The following NKAIN2 variants were observed in gnomAD, a reference collection of about 807,000 sequenced individuals.
NKAIN2 encodes the protein sodium/potassium transporting ATPase interacting 2.
NKAIN2 carries 14 observed loss-of-function variants against 32.6 expected under a neutral mutation model. That is an observed-to-expected ratio of 0.43 (90% CI 0.28 to 0.67). The LOEUF (loss-of-function observed/expected upper bound fraction) is 0.67, where lower values mean the gene tolerates loss of function less well. NKAIN2 is among the 30% of genes least tolerant of loss of function. The probability of loss-of-function intolerance (pLI) is 0.17; values close to 1 mark genes in which losing one functional copy is unlikely to be tolerated. For synonymous variants in NKAIN2, 80 were observed against 87.2 expected, an observed-to-expected ratio of 0.92 and a Z score of 0.46; for missense variants, 198 against 258.3, an observed-to-expected ratio of 0.77 and a Z score of 1.60.
chr6:124,637,458 C>CA (rs1235907514), intron 3 of NKAIN2, among the ~76,000 whole-genome samples: 2 of 151,936 alleles, frequency 1.3e-5, no homozygotes, highest in Non-Finnish European at 2.9e-5. Flanking sequence ...TCCCTCTTTG[C>CA]AAATAACATT....
At chr6:124,021,968 ATGTGC>A (rs1701631112) in intron 1 of NKAIN2, among the ~76,000 whole-genome samples, 1 of 152,090 alleles carries the variant, frequency 6.6e-6, no homozygotes, top group South Asian at 2.1e-4. Context: ...ATATGTATAC[ATGTGC>A]TATGTTGGTG....
intron 3 of NKAIN2, among the ~76,000 whole-genome samples, chr6:124,375,176 A>G (rs1200671660): frequency 6.6e-6 from 1 of 151,776 alleles, no homozygotes; most frequent in Non-Finnish European, 1.5e-5. Flanking sequence ...CCTCCTCAAT[A>G]AGGTCTTCTT....
At chr6:123,993,453 A>T (rs893842578) in intron 1 of NKAIN2, among the ~76,000 whole-genome samples, 5 of 152,198 alleles carry the variant, frequency 3.3e-5, no homozygotes, top group Admixed American at 3.3e-4. Context: ...GTTGAAAAGG[A>T]CACTTTCTTT....
chr6:124,300,449 A>T (rs749268862), intron 2 of NKAIN2, among the ~76,000 whole-genome samples: 24 of 152,312 alleles, frequency 1.6e-4, no homozygotes, highest in African/African-American at 5.5e-4. Flanking sequence ...CTTTACTAGC[A>T]GCCTGACAAT....
chr6:124,712,186 CAG>C (rs1277324052), intron 4 of NKAIN2, among the ~76,000 whole-genome samples: 1 of 150,714 alleles, frequency 6.6e-6, no homozygotes, highest in East Asian at 2.0e-4. Context: ...CTCAGATCTC[CAG>C]CTGCGTGCTG....
At chr6:124,145,001 C>T (rs966591503) in intron 1 of NKAIN2, among the ~76,000 whole-genome samples, 1 of 152,038 alleles carries the variant, frequency 6.6e-6, no homozygotes, top group African/African-American at 2.4e-5. Flanking sequence ...GACAATATTC[C>T]GATGTCAGAG....
chr6:123,983,018 A>G (rs956098729), intron 1 of NKAIN2, among the ~76,000 whole-genome samples: 1 of 116,784 alleles, frequency 8.6e-6, no homozygotes, highest in African/African-American at 3.4e-5. Context: ...TTTACATGTT[A>G]TTCAGTGCCT....
intron 4 of NKAIN2, among the ~76,000 whole-genome samples, chr6:124,708,049 T>C (rs1372495464): frequency 1.3e-5 from 2 of 148,368 alleles, no homozygotes; most frequent in East Asian, 3.9e-4. Context: ...CAGTTTCAGC[T>C]TTCTACATAT....
At chr6:124,197,189 C>T (rs943807877) in intron 1 of NKAIN2, among the ~76,000 whole-genome samples, 1 of 151,688 alleles carries the variant, frequency 6.6e-6, no homozygotes, top group Non-Finnish European at 1.5e-5. Flanking sequence ...TAAAATACTG[C>T]ATTTATTTTT....
intron 3 of NKAIN2, among the ~76,000 whole-genome samples, chr6:124,412,598 C>T (rs903933947): frequency 4.6e-5 from 7 of 152,160 alleles, no homozygotes; most frequent in Admixed American, 3.9e-4. Flanking sequence ...AGGGGTGCCT[C>T]CCAGTTAGGC....
chr6:124,240,708 A>G (rs1289774108), intron 1 of NKAIN2, among the ~76,000 whole-genome samples: 4 of 152,202 alleles, frequency 2.6e-5, no homozygotes, highest in Non-Finnish European at 5.9e-5. Context: ...CTTCATGCTA[A>G]AAACTCTCAA....
intron 1 of NKAIN2, among the ~76,000 whole-genome samples, chr6:124,209,727 C>A (rs1791077092): frequency 6.6e-6 from 1 of 151,736 alleles, no homozygotes; most frequent in Admixed American, 6.6e-5. Context: ...GCATTTTTTT[C>A]ATATACCTGT....
At chr6:124,295,476 G>C (rs1796009503) in intron 2 of NKAIN2, among the ~76,000 whole-genome samples, 1 of 152,070 alleles carries the variant, frequency 6.6e-6, no homozygotes, top group Admixed American at 6.6e-5. Flanking sequence ...TAGAATAATG[G>C]CTTGAACCTG....
At chr6:124,451,234 T>G (rs62437468) in intron 3 of NKAIN2, among the ~76,000 whole-genome samples, 2 of 152,144 alleles carry the variant, frequency 1.3e-5, no homozygotes. Flanking sequence ...CATTGATTTT[T>G]ATTACTGGCA....
At chr6:124,751,039 G>A (rs1478084243) in intron 4 of NKAIN2, among the ~76,000 whole-genome samples, 3 of 152,028 alleles carry the variant, frequency 2.0e-5, no homozygotes, top group African/African-American at 7.2e-5. Flanking sequence ...AATACAGTAA[G>A]AAATACTGTA....
At chr6:124,730,897 G>C (rs9388369) in intron 4 of NKAIN2, among the ~76,000 whole-genome samples, 1,495 of 117,744 alleles carry the variant, frequency 0.013, 15 homozygotes, top group African/African-American at 0.023. Context: ...AAAAGTGGGC[G>C]AAGGACATGA....
intron 1 of NKAIN2, among the ~76,000 whole-genome samples, chr6:124,185,851 C>A (rs1789696849): frequency 8.8e-6 from 1 of 113,010 alleles, no homozygotes; most frequent in Admixed American, 9.0e-5. Flanking sequence ...ATACCAACAT[C>A]AAATAATTTA....
intron 1 of NKAIN2, among the ~76,000 whole-genome samples, chr6:124,116,582 ATTGTTTTTGTTT>A (rs952224598): frequency 3.3e-5 from 5 of 152,182 alleles, no homozygotes; most frequent in Admixed American, 2.6e-4. Flanking sequence ...TGAAAAAAAC[ATTGTTTTTGTTT>A]TTGTTTTTGT....
chr6:124,145,672 A>T (rs1787364130), intron 1 of NKAIN2, among the ~76,000 whole-genome samples: 1 of 151,730 alleles, frequency 6.6e-6, no homozygotes. Context: ...TGCCCAGCTA[A>T]TTTTTTGTAT....
Sources: allele counts gnomAD v4.1 joint callset (sites outside exome capture counted in the v4.1 genomes callset), GRCh38; gene constraint gnomAD v4.1.1; transcripts MANE v1.5; gene names NCBI Gene and HGNC (gene_info 2026-07-23, HGNC 2026-07-21).